Variants in TMCO4 observed in about 807,000 individuals in gnomAD.
TMCO4 encodes the protein transmembrane and coiled-coil domains 4.
Under a neutral mutation model 64.7 loss-of-function variants are expected in TMCO4, and 58 were observed. The observed-to-expected ratio is 0.90, with a 90% CI of 0.73 to 1.12. The LOEUF (loss-of-function observed/expected upper bound fraction) is 1.12. TMCO4 is among the 50% of genes most tolerant of loss of function. TMCO4 has a pLI of 0.00. For missense variants in TMCO4, 780 were observed against 825.9 expected (o/e 0.94, Z 0.68); for synonymous variants, 325 against 346.1 (o/e 0.94, Z 0.68).
In TMCO4 at chr1:19,771,347, C is replaced by T; in HGVS notation, c.315G>A (p.Lys105=). 2 of 1,614,114 alleles carry T rather than the reference C, an allele frequency of 1.2e-6. No individual in the cohort carries two copies. The highest frequency in any genetic ancestry group is 1.7e-6 in the Non-Finnish European group (2 of 1,180,030). ...TCGGGTCGTCCTTCAAGATGGGGTCCTTCAGTAAAATTTGAACAAACACAT... is the reference window on the plus strand; with the variant it reads ...TCGGGTCGTCCTTCAAGATGGGGTCTTTCAGTAAAATTTGAACAAACACAT... ...GADVFVQILL[K]DPILKDDPTV... is the part of the protein sequence containing the mutation. Residue 105 remains lysine, a synonymous_variant, in exon 5 of 16, where the codon AAG becomes AAA. Transcript: ENST00000294543.
rs1006908936 is a variant in TMCO4 at position 19,725,103 on chromosome 1, C to G, written c.1264+12269G>C. ...CAATGATCCTTGCATCTTGAAGACA[C>G]TAGGAAAAGTGATCAAATTGAGCCC... On this transcript the variant is annotated intron_variant, in intron 13 of 15. Transcript: ENST00000294543. 3.3e-5 allele frequency among the ~76,000 whole-genome samples: 5 copies of G among 152,158 alleles called. No homozygotes were observed. In the South Asian group the frequency reaches 1.0e-3, roughly 32 times the overall value.
Position 19,771,451 on chromosome 1 carries a change from C to G in TMCO4, c.211G>C (p.Val71Leu). 1 of 1,614,110 alleles carries G rather than the reference C, an allele frequency of 6.2e-7. No homozygotes were observed. Among genetic ancestry groups the G allele is most frequent in the Non-Finnish European group, 8.5e-7 (1 of 1,180,028 alleles). ...GCTTCAGACAACTCCAGCCACTGCA[C>G]CAGGCCTGCCATGAACTCTGTGCAG... ...SFCTEFMAGL[V>L]QWLELSEAVL... is the part of the protein sequence containing the mutation. Residue 71 changes from valine to leucine, a missense_variant, in exon 5 of 16, where the codon GTG becomes CTG. By Grantham distance (32) the Val-to-Leu change is conservative. Transcript: ENST00000294543.
intron 15 of TMCO4, among the ~76,000 whole-genome samples, chr1:19,688,017 C>G (rs975581145): frequency 1.3e-5 from 2 of 152,110 alleles, no homozygotes; most frequent in Non-Finnish European, 2.9e-5. Flanking sequence ...TTCTCAGCAC[C>G]AGAAAGTTCT....
chr1:19,791,157 G>A (rs772018075), intron 2 of TMCO4, among the ~76,000 whole-genome samples: 4 of 152,070 alleles, frequency 2.6e-5, no homozygotes, highest in South Asian at 2.1e-4. Flanking sequence ...GCCTGTCAGC[G>A]GGTGGGATGC....
intron 12 of TMCO4, among the ~76,000 whole-genome samples, chr1:19,738,673 GTTTCT>G (rs1217848164): frequency 6.6e-6 from 1 of 152,222 alleles, no homozygotes. Context: ...AGGATTTTCT[GTTTCT>G]TTTGACAAAG....
intron 2 of TMCO4, among the ~76,000 whole-genome samples, chr1:19,791,749 G>A (rs948233368): frequency 3.9e-5 from 6 of 152,222 alleles, no homozygotes; most frequent in Admixed American, 1.3e-4. Context: ...GTCCAGCAGC[G>A]CCCTGGGGCT....
At chr1:19,694,594 C>G in intron 14 of TMCO4, 43 bp from the exon 15 acceptor site, 1 of 1,590,260 alleles carries the variant, frequency 6.3e-7, no homozygotes, top group Non-Finnish European at 8.6e-7. Context: ...GCACCAGCCT[C>G]GGACAGCCCA....
intron 6 of TMCO4, among the ~76,000 whole-genome samples, chr1:19,756,985 A>G (rs909088352): frequency 5.9e-5 from 9 of 152,274 alleles, no homozygotes; most frequent in South Asian, 2.1e-4. Flanking sequence ...AAACAAAACA[A>G]AAAACAAATA....
At chr1:19,760,940 A>G (rs2042474624) in intron 6 of TMCO4, among the ~76,000 whole-genome samples, 1 of 152,248 alleles carries the variant, frequency 6.6e-6, no homozygotes, top group Admixed American at 6.5e-5. Flanking sequence ...GATGAGATGT[A>G]TATCCCCTTT....
At chr1:19,780,424 T>C (rs1396948275) in intron 4 of TMCO4, among the ~76,000 whole-genome samples, 156 bp downstream of exon 4, 3 of 152,140 alleles carry the variant, frequency 2.0e-5, no homozygotes, top group African/African-American at 7.2e-5. Flanking sequence ...CCAGTACTGG[T>C]CCACGGCCTG....
intron 6 of TMCO4, among the ~76,000 whole-genome samples, chr1:19,766,201 T>C (rs2042729327): frequency 1.3e-5 from 2 of 152,182 alleles, no homozygotes; most frequent in Admixed American, 6.5e-5. Context: ...ATGCCCACCA[T>C]GCGTCCATCC....
chr1:19,713,084 G>A (rs190641983), intron 13 of TMCO4, among the ~76,000 whole-genome samples: 27 of 152,296 alleles, frequency 1.8e-4, no homozygotes, highest in African/African-American at 6.3e-4. Context: ...TGAGGCCTAG[G>A]TTTGAAAATG....
intron 15 of TMCO4, among the ~76,000 whole-genome samples, chr1:19,688,976 C>T (rs1008931058): frequency 2.6e-5 from 4 of 152,188 alleles, no homozygotes; most frequent in African/African-American, 9.6e-5. Context: ...AACCTTGTCC[C>T]TGTGAGGAGA....
chr1:19,742,911 G>A (rs1473890453), intron 10 of TMCO4, among the ~76,000 whole-genome samples: 5 of 152,068 alleles, frequency 3.3e-5, no homozygotes, highest in Non-Finnish European at 5.9e-5. Flanking sequence ...CTAGCCGGGC[G>A]TGGTGGCACA....
intron 13 of TMCO4, 136 bp downstream of exon 13, chr1:19,737,236 C>G (rs1244405617): frequency 1.2e-6 from 1 of 868,628 alleles, no homozygotes; most frequent in Non-Finnish European, 1.7e-6. Flanking sequence ...GATTTTTAAA[C>G]TATTTTTAAC....
At chr1:19,740,190 G>A (rs188832624) in intron 11 of TMCO4, among the ~76,000 whole-genome samples, 13 of 152,192 alleles carry the variant, frequency 8.5e-5, no homozygotes, top group Admixed American at 5.2e-4. Context: ...GCCCCAATTC[G>A]TCTCCACACC....
At chr1:19,777,277 G>C (rs529620789) in intron 4 of TMCO4, among the ~76,000 whole-genome samples, 1 of 151,914 alleles carries the variant, frequency 6.6e-6, no homozygotes, top group African/African-American at 2.4e-5. Context: ...GTGATGTATG[G>C]AGCTGCAGCA....
rs187503713 is a variant in TMCO4 at position 19,719,280 on chromosome 1, A to G, written c.1264+18092T>C. On this transcript the variant is annotated intron_variant, in intron 13 of 15. Coordinates refer to ENST00000294543, the MANE Select transcript of TMCO4 (RefSeq NM_181719.7). The stretch of plus-strand genomic sequence containing the variant: ...TTCACTTCTCAAAATGAGAGGGTGC[A>G]ACTCTCAGACAGAAGAAGTCAGGTT... 1.5e-3 allele frequency among the ~76,000 whole-genome samples: 221 copies of G among 152,312 alleles called. 1 individual carries two copies. Among genetic ancestry groups the G allele is most frequent in the African/African-American group, 5.0e-3 (209 of 41,568 alleles).
intron 6 of TMCO4, among the ~76,000 whole-genome samples, chr1:19,769,017 C>G (rs1175139585): frequency 6.6e-6 from 1 of 152,208 alleles, no homozygotes; most frequent in Non-Finnish European, 1.5e-5. Flanking sequence ...ACTGACTGCA[C>G]TAAACACACG....
Sources: allele counts gnomAD v4.1 joint callset (sites outside exome capture counted in the v4.1 genomes callset), GRCh38; gene constraint gnomAD v4.1.1; transcripts MANE v1.5; gene names NCBI Gene and HGNC (gene_info 2026-07-23, HGNC 2026-07-21).